Variants in MYO9A observed in about 807,000 individuals in gnomAD.
MYO9A encodes the protein myosin IXA, also known as unconventional myosin-IXa.
A neutral mutation model predicts 293.3 loss-of-function variants in MYO9A; 103 were observed. The observed-to-expected ratio is 0.35, with a 90% CI of 0.30 to 0.41. The LOEUF is 0.41. MYO9A is among the 10% of genes least tolerant of loss of function. MYO9A has a pLI of 1.00. For synonymous variants in MYO9A, 1,001 were observed against 1,035.7 expected, an observed-to-expected ratio of 0.97 and a Z score of 0.64; for missense variants, 2,685 against 3,033.0, an observed-to-expected ratio of 0.89 and a Z score of 2.69.
chr15:71,917,891 A>T (rs1243129412), intron 18 of MYO9A, among the ~76,000 whole-genome samples: 1 of 152,194 alleles, frequency 6.6e-6, no homozygotes, highest in Non-Finnish European at 1.5e-5. Flanking sequence ...AACCATGCAA[A>T]TTGAAAGAAG....
intron 14 of MYO9A, among the ~76,000 whole-genome samples, chr15:71,954,807 T>C (rs1043633203): frequency 7.2e-5 from 11 of 152,246 alleles, no homozygotes; most frequent in African/African-American, 1.9e-4. Context: ...ACTTGGACTA[T>C]GTAACAGAGG....
At chr15:72,015,652 C>T (rs534894156) in intron 6 of MYO9A, among the ~76,000 whole-genome samples, 5 of 150,986 alleles carry the variant, frequency 3.3e-5, no homozygotes, top group South Asian at 4.2e-4. Flanking sequence ...TGAGGCTGAC[C>T]GACCCTTTAC....
chr15:72,057,410 CCAGT>C (rs1252665086), intron 1 of MYO9A, among the ~76,000 whole-genome samples: 2 of 152,328 alleles, frequency 1.3e-5, no homozygotes, highest in African/African-American at 4.8e-5. Context: ...CTTAGCCTGA[CCAGT>C]AAGTACTCTG....
intron 39 of MYO9A, among the ~76,000 whole-genome samples, chr15:71,846,746 C>T (rs1296825743): frequency 1.9e-5 from 1 of 52,486 alleles, no homozygotes; most frequent in African/African-American, 8.1e-5. Context: ...TATTGGTGTT[C>T]TCAGCCTTCC....
At chr15:72,034,632 A>C (rs1176261363) in intron 2 of MYO9A, among the ~76,000 whole-genome samples, 1 of 152,218 alleles carries the variant, frequency 6.6e-6, no homozygotes, top group African/African-American at 2.4e-5. Context: ...AGTTTTTTAC[A>C]AGGAATTTAG....
chr15:72,086,498 T>A (rs186581481), intron 1 of MYO9A, among the ~76,000 whole-genome samples: 1 of 152,080 alleles, frequency 6.6e-6, no homozygotes, highest in Non-Finnish European at 1.5e-5. Context: ...CTGACTGCAA[T>A]TACAGTACAA....
chr15:71,955,115 T>A (rs1370639906), intron 14 of MYO9A, among the ~76,000 whole-genome samples: 2 of 151,510 alleles, frequency 1.3e-5, no homozygotes, highest in Non-Finnish European at 2.9e-5. Context: ...TTCTGATTTG[T>A]CACAATTTAT....
At chr15:71,962,736 C>T (rs1207660764) in intron 13 of MYO9A, among the ~76,000 whole-genome samples, 2 of 152,146 alleles carry the variant, frequency 1.3e-5, no homozygotes, top group Non-Finnish European at 2.9e-5. Flanking sequence ...GTCAAAGAGA[C>T]AATAAGTACC....
chr15:72,047,848 G>A (rs1400149573), intron 1 of MYO9A, among the ~76,000 whole-genome samples: 1 of 121,812 alleles, frequency 8.2e-6, no homozygotes, highest in Non-Finnish European at 1.6e-5. Flanking sequence ...CATGATCTTG[G>A]CTCACTGCAC....
intron 1 of MYO9A, among the ~76,000 whole-genome samples, chr15:72,100,842 G>C (rs1432204972): frequency 6.6e-6 from 1 of 150,956 alleles, no homozygotes; most frequent in Admixed American, 6.6e-5. Context: ...GTCTCCGCCC[G>C]GCCAGCCGCC....
chr15:72,078,926 T>C (rs2079452731), intron 1 of MYO9A, among the ~76,000 whole-genome samples: 1 of 152,172 alleles, frequency 6.6e-6, no homozygotes, highest in African/African-American at 2.4e-5. Context: ...GGCAAAACTA[T>C]GGCGACAGCA....
chr15:72,028,238 T>TATATATAA (rs1490355481), intron 3 of MYO9A, among the ~76,000 whole-genome samples: 128 of 144,638 alleles, frequency 8.8e-4, no homozygotes, highest in African/African-American at 2.9e-3. Flanking sequence ...TATATATATA[T>TATATATAA]AAATATATAT....
intron 1 of MYO9A, among the ~76,000 whole-genome samples, chr15:72,079,055 T>C (rs2079457483): frequency 6.6e-6 from 1 of 152,222 alleles, no homozygotes. Flanking sequence ...CATGTCATTA[T>C]ACATCTGTCA....
intron 39 of MYO9A, 126 bp downstream of exon 39, chr15:71,848,719 T>C (rs2055499232): frequency 9.1e-7 from 1 of 1,101,978 alleles, no homozygotes. Flanking sequence ...ACCTTGAGAT[T>C]TGGTGACGTT....
intron 9 of MYO9A, chr15:71,999,036 CT>C (rs2076789301): frequency 6.6e-6 from 1 of 151,990 alleles, no homozygotes; most frequent in Admixed American, 6.6e-5. Flanking sequence ...CAGTGGAAGA[CT>C]ATAATATGAC....
intron 39 of MYO9A, among the ~76,000 whole-genome samples, chr15:71,844,875 G>A (rs2055317066): frequency 6.6e-6 from 1 of 152,172 alleles, no homozygotes; most frequent in African/African-American, 2.4e-5. Flanking sequence ...TTACCCTCAT[G>A]CAGAAAGTCA....
chr15:71,904,332 T>C (rs143349195), intron 20 of MYO9A, among the ~76,000 whole-genome samples: 46 of 152,252 alleles, frequency 3.0e-4, no homozygotes, highest in Non-Finnish European at 3.4e-4. Context: ...AGAGGCCACA[T>C]AGTCCAATCA....
At chr15:71,921,979 T>G (rs554743750) in intron 18 of MYO9A, among the ~76,000 whole-genome samples, 1 of 150,994 alleles carries the variant, frequency 6.6e-6, no homozygotes, top group East Asian at 1.9e-4. Flanking sequence ...TTTTTCTACT[T>G]TTTTTTTTAT....
chr15:71,888,978 T>C (rs185251855), intron 26 of MYO9A, among the ~76,000 whole-genome samples: 4 of 152,214 alleles, frequency 2.6e-5, no homozygotes, highest in Non-Finnish European at 4.4e-5. Context: ...CAGATACCCC[T>C]GAGAGATGGG....
Sources: allele counts gnomAD v4.1 joint callset (sites outside exome capture counted in the v4.1 genomes callset), GRCh38; gene constraint gnomAD v4.1.1; transcripts MANE v1.5; gene names NCBI Gene and HGNC (gene_info 2026-07-23, HGNC 2026-07-21).